The following SAMD5 variants were observed in gnomAD, a reference collection of about 807,000 sequenced individuals.
SAMD5 encodes the protein sterile alpha motif domain-containing protein 5.
SAMD5 carries 13 observed loss-of-function variants against 11.3 expected under a neutral mutation model. The observed-to-expected ratio is 1.15, with a 90% CI of 0.75 to 1.83. The LOEUF (loss-of-function observed/expected upper bound fraction) is 1.83, where lower values mean the gene tolerates loss of function less well. SAMD5 is among the 40% of genes most tolerant of loss of function. SAMD5 has a pLI of 0.00. For missense variants in SAMD5, 255 were observed against 239.1 expected (o/e 1.07, Z -0.44); for synonymous variants, 129 against 111.3 (o/e 1.16, Z -1.00).
the SAMD5 span, among the ~76,000 whole-genome samples, chr6:147,824,713 A>G: frequency 6.6e-6 from 1 of 152,248 alleles, no homozygotes; most frequent in African/African-American, 2.4e-5. Context: ...GAGAGAGTTC[A>G]TTTAAATCAC....
chr6:147,553,903 G>A (rs986892962), intron 1 of SAMD5, among the ~76,000 whole-genome samples: 3 of 152,092 alleles, frequency 2.0e-5, no homozygotes, highest in African/African-American at 7.2e-5. Flanking sequence ...GAGGTAATGG[G>A]ACGGAAAACA....
the SAMD5 span, among the ~76,000 whole-genome samples, chr6:147,930,627 A>T: frequency 2.6e-5 from 4 of 152,076 alleles, no homozygotes; most frequent in Non-Finnish European, 4.4e-5. Flanking sequence ...CAGTGGCATG[A>T]CTTGGTCCAA....
At chr6:147,918,762 A>G in the SAMD5 span, among the ~76,000 whole-genome samples, 1 of 136,760 alleles carries the variant, frequency 7.3e-6, no homozygotes, top group African/African-American at 2.7e-5. Flanking sequence ...CAGTGGCGTG[A>G]TCTCGGCTCA....
intron 1 of SAMD5, among the ~76,000 whole-genome samples, chr6:147,562,884 C>T (rs1370363392): frequency 2.0e-5 from 3 of 152,096 alleles, no homozygotes; most frequent in African/African-American, 7.2e-5. Context: ...AGGTAACTTC[C>T]CTTCTCTATG....
Position 147,524,690 on chromosome 6 carries a change from C to T in SAMD5, c.459+15303C>T, listed in dbSNP as rs114153532. ...AGTAAAATATTGTTTTCCATTCGCACCTAGATTCGCTTTTTAAAATAAGAC... is the reference window on the plus strand; with the variant it reads ...AGTAAAATATTGTTTTCCATTCGCATCTAGATTCGCTTTTTAAAATAAGAC... On this transcript the variant is annotated intron_variant, in intron 1 of 1. Coordinates refer to ENST00000367474, the MANE Select transcript of SAMD5 (RefSeq NM_001030060.3). Among the ~76,000 whole-genome samples, 931 of 152,112 alleles carry T rather than the reference C, an allele frequency of 6.1e-3. 10 individuals carry two copies. Among genetic ancestry groups the T allele is most frequent in the African/African-American group, 0.021 (889 of 41,492 alleles).
chr6:147,546,718 C>T (rs1788693657), intron 1 of SAMD5, among the ~76,000 whole-genome samples: 1 of 152,076 alleles, frequency 6.6e-6, no homozygotes, highest in Admixed American at 6.6e-5. Context: ...GTTTTGTCTG[C>T]TGTAGTATGT....
the SAMD5 span, among the ~76,000 whole-genome samples, chr6:147,813,746 G>GT: frequency 6.6e-6 from 1 of 152,070 alleles, no homozygotes; most frequent in Non-Finnish European, 1.5e-5. Context: ...TAGCCTGTGG[G>GT]GACAGCTAAT....
chr6:147,539,076 T>G (rs947593145), intron 1 of SAMD5, among the ~76,000 whole-genome samples: 1 of 152,184 alleles, frequency 6.6e-6, no homozygotes, highest in Non-Finnish European at 1.5e-5. Context: ...TAGGAAAGCA[T>G]GCATTTCTAG....
the SAMD5 span, among the ~76,000 whole-genome samples, chr6:147,934,259 A>G: frequency 1.3e-5 from 2 of 150,186 alleles, no homozygotes; most frequent in Non-Finnish European, 3.0e-5. Context: ...AACTGTTTAT[A>G]TTACAACTTT....
At chr6:147,803,131 C>CTGTGTG in the SAMD5 span, among the ~76,000 whole-genome samples, 4,524 of 136,684 alleles carry the variant, frequency 0.033, 96 homozygotes, top group South Asian at 0.063. Flanking sequence ...GCCTTCCTTT[C>CTGTGTG]TGTGTGTGTG....
At chr6:147,594,783 T>C (rs1562329023) in intron 1 of SAMD5, among the ~76,000 whole-genome samples, 1 of 152,144 alleles carries the variant, frequency 6.6e-6, no homozygotes, top group Non-Finnish European at 1.5e-5. Context: ...TGAAGAAAAT[T>C]GGGGTCCAAC....
At chr6:147,941,935 G>A in the SAMD5 span, among the ~76,000 whole-genome samples, 5 of 152,078 alleles carry the variant, frequency 3.3e-5, no homozygotes, top group South Asian at 2.1e-4. Context: ...GTGCAGTGGT[G>A]CAATCTCGGC....
the SAMD5 span, among the ~76,000 whole-genome samples, chr6:147,746,199 G>T: frequency 2.6e-5 from 4 of 152,298 alleles, no homozygotes; most frequent in Middle Eastern, 0.01. Flanking sequence ...TCGGTGCTGG[G>T]CACAGAATGA....
chr6:147,738,077 A>G (rs1791830488), downstream of SAMD5, among the ~76,000 whole-genome samples: 1 of 152,196 alleles, frequency 6.6e-6, no homozygotes, highest in South Asian at 2.1e-4. Flanking sequence ...AAGGAAAGGA[A>G]GGCAACTTTA....
the SAMD5 span, among the ~76,000 whole-genome samples, chr6:147,843,273 G>C: frequency 6.6e-6 from 1 of 152,134 alleles, no homozygotes; most frequent in Non-Finnish European, 1.5e-5. Flanking sequence ...ATACTTAGGA[G>C]TAAATTTCAC....
chr6:147,831,510 G>C, the SAMD5 span, among the ~76,000 whole-genome samples: 1 of 152,148 alleles, frequency 6.6e-6, no homozygotes, highest in African/African-American at 2.4e-5. Flanking sequence ...AGTCCTCTCT[G>C]GGGTCCTTTC....
At chr6:147,597,231 C>T (rs1445512435) in intron 1 of SAMD5, among the ~76,000 whole-genome samples, 1 of 152,136 alleles carries the variant, frequency 6.6e-6, no homozygotes, top group African/African-American at 2.4e-5. Context: ...AAATTCTCTC[C>T]TAAGAGTACA....
chr6:147,712,816 A>C (rs1189238735), intron 1 of SAMD5, among the ~76,000 whole-genome samples: 1 of 150,488 alleles, frequency 6.6e-6, no homozygotes. Context: ...TATAAAAAAA[A>C]AAAAAAGTCT....
the SAMD5 span, among the ~76,000 whole-genome samples, chr6:147,916,426 CTT>C: frequency 6.6e-6 from 1 of 152,100 alleles, no homozygotes; most frequent in East Asian, 1.9e-4. Context: ...TGTTTCCTGA[CTT>C]TTTAATGATC....
Sources: allele counts gnomAD v4.1 joint callset (sites outside exome capture counted in the v4.1 genomes callset), GRCh38; gene constraint gnomAD v4.1.1; transcripts MANE v1.5; gene names NCBI Gene and HGNC (gene_info 2026-07-23, HGNC 2026-07-21).